SLC44A1: variants seen among roughly 807,000 people sequenced by gnomAD.
SLC44A1 encodes choline transporter-like protein 1.
SLC44A1 carries 26 observed loss-of-function variants against 79.3 expected under a neutral mutation model. That is an observed-to-expected ratio of 0.33 (90% CI 0.24 to 0.46). The LOEUF (loss-of-function observed/expected upper bound fraction) is 0.46. SLC44A1 is among the 20% of genes least tolerant of loss of function. The pLI is 1.00. For missense variants in SLC44A1, 688 were observed against 798.1 expected (o/e 0.86, Z 1.66); for synonymous variants, 263 against 286.2 (o/e 0.92, Z 0.82).
intron 1 of SLC44A1, among the ~76,000 whole-genome samples, chr9:105,261,089 C>T (rs1293553974): frequency 8.6e-5 from 13 of 152,026 alleles, no homozygotes; most frequent in South Asian, 4.1e-4. Flanking sequence ...AACTAGCTGC[C>T]GTTCAAACTG....
intron 14 of SLC44A1, 55 bp from the exon 15 acceptor site, chr9:105,385,367 A>G: frequency 1.6e-6 from 2 of 1,240,618 alleles, no homozygotes; most frequent in East Asian, 2.5e-5. Context: ...GAATTCATCT[A>G]CTAACAAATC....
intron 3 of SLC44A1, among the ~76,000 whole-genome samples, chr9:105,316,243 G>A (rs1473872919): frequency 6.6e-6 from 1 of 152,056 alleles, no homozygotes; most frequent in Non-Finnish European, 1.5e-5. Context: ...GAGGTGTAAG[G>A]GTATGAGAGG....
At chr9:105,284,727 G>A (rs1830435602) in intron 1 of SLC44A1, among the ~76,000 whole-genome samples, 1 of 152,158 alleles carries the variant, frequency 6.6e-6, no homozygotes, top group African/African-American at 2.4e-5. Flanking sequence ...GCAGAACTCT[G>A]CAGGTGAAGT....
At chr9:105,404,476 GATAAA>G (rs1210128421) in intron 15 of SLC44A1, among the ~76,000 whole-genome samples, 1 of 152,142 alleles carries the variant, frequency 6.6e-6, no homozygotes, top group African/African-American at 2.4e-5. Flanking sequence ...AAAGAGACAA[GATAAA>G]ATAACAGAAA....
At position 105,244,765 on chromosome 9, in the gene SLC44A1, G is replaced by A; in HGVS notation, c.-104G>A. Reference sequence around the variant, plus strand: ...GCCGCCGCCGCCGCCTAGCCGTGCGGTGCCAGGCCGCGCCCTCCCCGGGCG... The same window carrying A: ...GCCGCCGCCGCCGCCTAGCCGTGCGATGCCAGGCCGCGCCCTCCCCGGGCG... On this transcript the variant is annotated 5_prime_UTR_variant, in exon 1 of 16. In the 5' UTR this introduces an upstream ATG that the reference lacks. Transcript: ENST00000374720. 3.5e-6 allele frequency: 2 copies of A among 578,304 alleles called. No homozygotes were observed. The highest frequency in any genetic ancestry group is 4.8e-6 in the Non-Finnish European group (2 of 418,546). 35.8% of individuals were successfully genotyped at this position (578,304 alleles called of 1,614,324 possible). A position where few individuals can be genotyped will look rare whatever the true frequency, so the allele number is the denominator to read the frequency against.
At chr9:105,252,062 T>C (rs1199894177) in intron 1 of SLC44A1, among the ~76,000 whole-genome samples, 1 of 152,230 alleles carries the variant, frequency 6.6e-6, no homozygotes, top group African/African-American at 2.4e-5. Flanking sequence ...ATGAGAAATT[T>C]ATTTAATAAA....
chr9:105,341,658 A>C (rs1255190242), intron 4 of SLC44A1, among the ~76,000 whole-genome samples: 1 of 152,150 alleles, frequency 6.6e-6, no homozygotes, highest in African/African-American at 2.4e-5. Flanking sequence ...AGATAAGTAG[A>C]TATCCATAAA....
chr9:105,254,037 C>T (rs1829648869), intron 1 of SLC44A1, among the ~76,000 whole-genome samples: 1 of 151,882 alleles, frequency 6.6e-6, no homozygotes, highest in African/African-American at 2.4e-5. Context: ...CTGTCTTAAA[C>T]AAAGAAACAA....
At chr9:105,320,434 T>G (rs1462335023) in intron 3 of SLC44A1, among the ~76,000 whole-genome samples, 1 of 152,094 alleles carries the variant, frequency 6.6e-6, no homozygotes, top group East Asian at 1.9e-4. Context: ...ATGTTTAACT[T>G]TATAAGAAAT....
intron 2 of SLC44A1, among the ~76,000 whole-genome samples, chr9:105,302,897 T>C (rs1257932721): frequency 6.6e-6 from 1 of 152,166 alleles, no homozygotes; most frequent in Non-Finnish European, 1.5e-5. Context: ...GGCAGATCAC[T>C]CTGGAGGCTG....
intron 3 of SLC44A1, among the ~76,000 whole-genome samples, chr9:105,313,201 G>A (rs1379489199): frequency 6.6e-6 from 1 of 152,136 alleles, no homozygotes; most frequent in Non-Finnish European, 1.5e-5. Context: ...TATCCATAGT[G>A]AGCTTTCCTT....
At chr9:105,307,727 C>T (rs1026325064) in intron 2 of SLC44A1, among the ~76,000 whole-genome samples, 7 of 151,942 alleles carry the variant, frequency 4.6e-5, no homozygotes, top group African/African-American at 1.7e-4. Flanking sequence ...TTACTCAGCA[C>T]AGGGCTTCCT....
chr9:105,307,249 A>C (rs1327482134), intron 2 of SLC44A1, among the ~76,000 whole-genome samples: 1 of 152,240 alleles, frequency 6.6e-6, no homozygotes, highest in Non-Finnish European at 1.5e-5. Flanking sequence ...TAATTAGATC[A>C]AAATTACACA....
intron 1 of SLC44A1, among the ~76,000 whole-genome samples, chr9:105,290,103 A>C (rs1252501594): frequency 2.6e-5 from 4 of 152,190 alleles, no homozygotes; most frequent in Admixed American, 1.3e-4. Context: ...GGCGTGAGCC[A>C]CCGCACCTGG....
At chr9:105,323,051 A>T (rs1340650534) in intron 3 of SLC44A1, among the ~76,000 whole-genome samples, 1 of 139,348 alleles carries the variant, frequency 7.2e-6, no homozygotes, top group African/African-American at 2.6e-5. Context: ...CCCGTCTATT[A>T]AAAAAAAAAA....
intron 3 of SLC44A1, among the ~76,000 whole-genome samples, chr9:105,325,404 C>A (rs1007222172): frequency 1.3e-5 from 2 of 152,150 alleles, no homozygotes; most frequent in African/African-American, 4.8e-5. Context: ...AGAATACCTG[C>A]AACTGGGTAA....
intron 8 of SLC44A1, 110 bp from the exon 9 acceptor site, chr9:105,362,711 G>A (rs1283896483): frequency 1.5e-6 from 1 of 669,418 alleles, no homozygotes; most frequent in South Asian, 2.6e-5. Context: ...GAAATTCAAA[G>A]AATGCTACCT....
At chr9:105,292,896 G>A (rs546332887) in intron 1 of SLC44A1, among the ~76,000 whole-genome samples, 2 of 152,260 alleles carry the variant, frequency 1.3e-5, no homozygotes, top group Admixed American at 1.3e-4. Flanking sequence ...TCTGAAGCTG[G>A]GTCTGGTGGC....
intron 3 of SLC44A1, among the ~76,000 whole-genome samples, chr9:105,323,557 C>T (rs527371384): frequency 4.6e-5 from 7 of 152,282 alleles, no homozygotes; most frequent in South Asian, 2.1e-4. Flanking sequence ...TGCCTGGTAT[C>T]GTGAACGTTA....
Sources: gnomAD v4.1 joint callset for allele counts (sites outside exome capture counted in the v4.1 genomes callset) on GRCh38, gnomAD v4.1.1 for gene constraint, MANE v1.5 for transcripts, NCBI Gene and HGNC (gene_info 2026-07-23, HGNC 2026-07-21) for gene names.